GALNT6: variants seen among roughly 807,000 people sequenced by gnomAD.
GALNT6 encodes the protein GalNAc transferase 6.
A neutral mutation model predicts 65.9 loss-of-function variants in GALNT6; 51 were observed. The observed-to-expected ratio is 0.77, with a 90% CI of 0.62 to 0.98. The LOEUF is 0.98. Among genes scored for constraint, GALNT6 ranks in the 50% least tolerant of loss-of-function variants. The pLI is 0.00. For missense variants in GALNT6, 708 were observed against 803.3 expected, an observed-to-expected ratio of 0.88 and a Z score of 1.43; for synonymous variants, 323 against 315.1, an observed-to-expected ratio of 1.02 and a Z score of -0.26.
intron 7 of GALNT6, chr12:51,360,210 G>T (rs932433553): frequency 6.6e-6 from 1 of 152,254 alleles, no homozygotes; most frequent in Admixed American, 6.5e-5. Context: ...GTCCACCAGA[G>T]TTGGGGCCAC....
Position 51,379,866 on chromosome 12 carries a change from C to G in GALNT6, c.-85G>C, listed in dbSNP as rs1947605579. 7.3e-7 allele frequency: 1 copy of G among 1,365,938 alleles called. No homozygotes were observed. The highest frequency in any genetic ancestry group is 9.8e-7 in the Non-Finnish European group (1 of 1,022,258). The allele number at this position is 1,365,938 out of a possible 1,614,324, so 84.6% of individuals were successfully genotyped here. A position where few individuals can be genotyped will look rare whatever the true frequency, so the allele number is the denominator to read the frequency against. On this transcript the variant is annotated 5_prime_UTR_variant, in exon 3 of 12. Coordinates refer to ENST00000356317, the MANE Select transcript of GALNT6 (RefSeq NM_007210.4). ...AGATAGCTTGATACGTTGTGGTGGC[C>G]ACAAGCTGGGGCCTCAGCCTGAGAA...
rs1172641997 is a variant in GALNT6, at chr12:51,379,141, G to A, written c.491+150C>T. 8 of 763,006 alleles carry A rather than the reference G, an allele frequency of 1.0e-5. No individual in the cohort carries two copies. The Admixed American group carries it at 2.0e-4, about 19-fold the overall frequency. 47.3% of individuals were successfully genotyped at this position (763,006 alleles called of 1,614,324 possible). ...CCCTGGGATCAGCACAGTTGTTCTG[G>A]GAAAGAAGTGAGGCATAGAGGAGAT... On this transcript the variant is annotated intron_variant, in intron 3 of 11. Transcript: ENST00000356317.
In GALNT6 at chr12:51,387,097, G is replaced by T. The variant is rs927209164; in HGVS notation, c.-104+3753C>A. ...ACATATCAAGGTTCATTTTATGTTT[G>T]CATAATTTTTTTTTTTTTGAGATGG... On this transcript the variant is annotated intron_variant, in intron 2 of 11. Coordinates refer to ENST00000356317, the MANE Select transcript of GALNT6 (RefSeq NM_007210.4). The surrounding 1 kb of genome is among the most constrained non-coding windows in gnomAD (Gnocchi z 4.2). Among the ~76,000 whole-genome samples, 27 of 151,954 alleles carry T rather than the reference G, an allele frequency of 1.8e-4. No homozygotes were observed. Among genetic ancestry groups the T allele is most frequent in the African/African-American group, 6.0e-4 (25 of 41,452 alleles).
At position 51,360,801 on chromosome 12, in the gene GALNT6, T is replaced by C; in HGVS notation, c.1087A>G (p.Lys363Glu). 1 of 1,613,476 alleles carries C rather than the reference T, an allele frequency of 6.2e-7. No individual in the cohort carries two copies. The highest frequency in any genetic ancestry group is 8.5e-7 in the Non-Finnish European group (1 of 1,179,472). The change falls in exon 7 of 12, where the codon AAG becomes GAG. Residue 363 changes from lysine (K) to glutamate (E), a missense_variant. Transcript: ENST00000356317. ...TFAGGLFSISKSYFEHIGTYD... is the reference protein window; with the variant it reads ...TFAGGLFSISESYFEHIGTYD... ...GTACCGATGTGCTCAAAGTAGGACTTGGAGATGGAGAAGAGGCCACCAGCA... is the reference window on the plus strand; with the variant it reads ...GTACCGATGTGCTCAAAGTAGGACTCGGAGATGGAGAAGAGGCCACCAGCA...
Position 51,353,201 on chromosome 12 carries a change from T to G in GALNT6, c.*1178A>C, listed in dbSNP as rs1250120722. ...TGTCTCAGTTTTCGTATCTGTAAAA[T>G]AGGCACAGTGGTTTCTGTCCTGTCT... is the stretch of plus-strand genomic sequence containing the variant. On this transcript the variant is annotated 3_prime_UTR_variant, in exon 12 of 12. Transcript: ENST00000356317. 1 of 152,136 alleles carries G rather than the reference T, an allele frequency of 6.6e-6. No individual in the cohort carries two copies. Among genetic ancestry groups the G allele is most frequent in the Non-Finnish European group, 1.5e-5 (1 of 68,028 alleles). The allele number at this position is 152,136 out of a possible 1,614,324, so 9.4% of individuals were successfully genotyped here.
intron 7 of GALNT6, 60 bp from the exon 8 acceptor site, chr12:51,359,392 A>G: frequency 1.7e-6 from 2 of 1,181,160 alleles, no homozygotes; most frequent in Admixed American, 2.0e-5. Context: ...GTCTCCCCAT[A>G]AGCAGCTCTA....
At chr12:51,384,459 T>C (rs1233384304) in intron 2 of GALNT6, among the ~76,000 whole-genome samples, 1 of 152,110 alleles carries the variant, frequency 6.6e-6, no homozygotes, top group Non-Finnish European at 1.5e-5. Flanking sequence ...TGGGAGGCCA[T>C]GGTGGGCAGA....
rs779620327 is a variant in GALNT6, at chr12:51,359,221, T to C, written c.1279A>G (p.Asn427Asp). The change falls in exon 8 of 12, where the codon AAT becomes GAT. Residue 427 changes from asparagine to aspartate, a missense_variant. By Grantham distance (23) the Asn-to-Asp change is conservative. Transcript: ENST00000356317. ...FPKGTSVIAR[N>D]QVRLAEVWMD... Reference sequence around the variant, plus strand: ...CAGACCTCTGCCAGGCGCACTTGATTGCGAGCAATGACACTAGTGCCCTTG... The same window carrying C: ...CAGACCTCTGCCAGGCGCACTTGATCGCGAGCAATGACACTAGTGCCCTTG... The C allele has an allele frequency of 1.7e-5, 27 of 1,614,170 alleles. No homozygotes were observed. Among genetic ancestry groups the C allele is most frequent in the Non-Finnish European group, 2.3e-5 (27 of 1,179,978 alleles).
At chr12:51,356,519 C>G (rs1946753467) in intron 10 of GALNT6, among the ~76,000 whole-genome samples, 1 of 150,388 alleles carries the variant, frequency 6.6e-6, no homozygotes, top group Admixed American at 6.7e-5. Context: ...GCACCACACT[C>G]AGCTAATTTT....
chr12:51,370,220 T>C (rs924404545), intron 4 of GALNT6, among the ~76,000 whole-genome samples: 4 of 152,228 alleles, frequency 2.6e-5, no homozygotes, highest in African/African-American at 7.2e-5. Flanking sequence ...ATGTGGTGTA[T>C]ACATACAATA....
intron 2 of GALNT6, among the ~76,000 whole-genome samples, chr12:51,380,910 G>A (rs1219670859): frequency 6.6e-6 from 1 of 152,164 alleles, no homozygotes; most frequent in Non-Finnish European, 1.5e-5. Flanking sequence ...AAAGTGGATG[G>A]CGGCTGCTGG....
chr12:51,375,468 C>G (rs1346562044), intron 4 of GALNT6, among the ~76,000 whole-genome samples: 5 of 152,166 alleles, frequency 3.3e-5, no homozygotes, highest in Non-Finnish European at 7.3e-5. Flanking sequence ...GCTTGTGACA[C>G]TCTTACTTGA....
At chr12:51,361,688 A>G (rs530070810) in intron 6 of GALNT6, among the ~76,000 whole-genome samples, 1 of 152,298 alleles carries the variant, frequency 6.6e-6, no homozygotes, top group South Asian at 2.1e-4. Context: ...GCTAAGCGTT[A>G]GGGTATCGAA....
At chr12:51,373,447 C>T (rs1384953560) in intron 4 of GALNT6, among the ~76,000 whole-genome samples, 1 of 152,152 alleles carries the variant, frequency 6.6e-6, no homozygotes, top group Non-Finnish European at 1.5e-5. Flanking sequence ...TCTCCTGACA[C>T]CTCATGAGGA....
rs1946664238 is a variant in GALNT6, at chr12:51,353,482, G to C, written c.*897C>G. On this transcript the variant is annotated 3_prime_UTR_variant, in exon 12 of 12. Coordinates refer to ENST00000356317, the MANE Select transcript of GALNT6 (RefSeq NM_007210.4). ...CCTCCTGGGTTCGAGTGATTCTCCTGCCTCAGCCTCCCAAGTAGCTGGGAC... is the reference window on the plus strand; with the variant it reads ...CCTCCTGGGTTCGAGTGATTCTCCTCCCTCAGCCTCCCAAGTAGCTGGGAC... 1 of 151,022 alleles carries C rather than the reference G, an allele frequency of 6.6e-6. No individual in the cohort carries two copies. The highest frequency in any genetic ancestry group is 1.5e-5 in the Non-Finnish European group (1 of 67,976). The allele number at this position is 151,022 out of a possible 1,614,324, so 9.4% of individuals were successfully genotyped here.
Position 51,351,350 on chromosome 12 carries a change from A to C in GALNT6, c.*3029T>G, listed in dbSNP as rs535693258. ...AAGGCTAAAGTGCCTAGGGCCCCTG[A>C]AATTCATGATGTAACTCTGATCTTC... On this transcript the variant is annotated 3_prime_UTR_variant, in exon 12 of 12. Coordinates refer to ENST00000356317, the MANE Select transcript of GALNT6 (RefSeq NM_007210.4). 5 of 152,362 alleles carry C rather than the reference A, an allele frequency of 3.3e-5. No individual in the cohort carries two copies. Among genetic ancestry groups the C allele is most frequent in the African/African-American group, 1.2e-4 (5 of 41,590 alleles). The allele number at this position is 152,362 out of a possible 1,614,324, so 9.4% of individuals were successfully genotyped here. A position where few individuals can be genotyped will look rare whatever the true frequency, so the allele number is the denominator to read the frequency against.
In GALNT6 at chr12:51,379,294, G is replaced by A. The variant is rs1947575353; in HGVS notation, c.488C>T (p.Pro163Leu). Residue 163 changes from proline to leucine, a missense_variant, in exon 3 of 12, where the codon CCT becomes CTT. Coordinates refer to ENST00000356317, the MANE Select transcript of GALNT6 (RefSeq NM_007210.4). ...AAGGACTCTGGGTGCTACTTACTCA[G>A]GTGGTCGGGTGTCTGGCCCCAGGGA... ...QRSLGPDTRP[P>L]ECVDQKFRRC... 1 of 1,521,702 alleles carries A rather than the reference G, an allele frequency of 6.6e-7. No individual in the cohort carries two copies. The allele number at this position is 1,521,702 out of a possible 1,614,324, so 94.3% of individuals were successfully genotyped here.
intron 2 of GALNT6, among the ~76,000 whole-genome samples, chr12:51,383,227 G>T (rs905383537): frequency 2.6e-5 from 4 of 152,210 alleles, no homozygotes; most frequent in Admixed American, 1.3e-4. Flanking sequence ...AGCACAGGGG[G>T]ATTTGCTTGA....
chr12:51,388,143 C>T (rs996377168), intron 2 of GALNT6, among the ~76,000 whole-genome samples: 3 of 152,200 alleles, frequency 2.0e-5, no homozygotes, highest in Non-Finnish European at 4.4e-5. Flanking sequence ...ACCCCACACC[C>T]GCTCCCAAGT....
Sources: allele counts gnomAD v4.1 joint callset (sites outside exome capture counted in the v4.1 genomes callset), GRCh38; gene constraint gnomAD v4.1.1; non-coding constraint Gnocchi (gnomAD v3.1); transcripts MANE v1.5; gene names NCBI Gene and HGNC (gene_info 2026-07-23, HGNC 2026-07-21).